Variants in ARHGAP28 observed in about 807,000 individuals in gnomAD.
ARHGAP28 encodes rho GTPase-activating protein 28.
ARHGAP28 carries 56 observed loss-of-function variants against 90.7 expected under a neutral mutation model. The ratio of observed to expected loss-of-function variants is 0.62; its 90% confidence interval spans 0.50 to 0.77. The LOEUF (loss-of-function observed/expected upper bound fraction) is 0.77, where lower values mean the gene tolerates loss of function less well. Among genes scored for constraint, ARHGAP28 ranks in the 30% least tolerant of loss-of-function variants. The pLI is 0.00. For synonymous variants in ARHGAP28, 308 were observed against 323.3 expected (o/e 0.95, Z 0.51); for missense variants, 869 against 900.9 (o/e 0.96, Z 0.45).
intron 2 of ARHGAP28, among the ~76,000 whole-genome samples, chr18:6,826,642 A>G (rs949789186): frequency 1.3e-5 from 2 of 150,898 alleles, no homozygotes; most frequent in African/African-American, 4.9e-5. Context: ...GTGCCACTCA[A>G]AGGAAGCCCT....
intron 1 of ARHGAP28, among the ~76,000 whole-genome samples, chr18:6,808,744 A>G (rs1179984539): frequency 1.3e-5 from 2 of 152,244 alleles, no homozygotes; most frequent in African/African-American, 4.8e-5. Context: ...GGTTTAAAGC[A>G]TAAGTCCACT....
rs889960540 is a variant in ARHGAP28, at chr18:6,782,110, G to T, written c.123-42652G>T. 6.1e-5 allele frequency among the ~76,000 whole-genome samples: 9 copies of T among 148,120 alleles called. No individual in the cohort carries two copies. In the East Asian group the frequency reaches 1.4e-3, roughly 23 times the overall value. Reference sequence around the variant, plus strand: ...TCTCACTTCCTGGAGATTCCAACTGGTTTTTTTTTTAGCTGCCTCCCCAGC... The same window carrying T: ...TCTCACTTCCTGGAGATTCCAACTGTTTTTTTTTTTAGCTGCCTCCCCAGC... On this transcript the variant is annotated intron_variant, in intron 1 of 17. Coordinates refer to ENST00000383472, the MANE Select transcript of ARHGAP28 (RefSeq NM_001366230.1).
In ARHGAP28 at chr18:6,912,174, C is replaced by T; in HGVS notation, c.*20C>T. ...TCTTAAAATATCCTCGAGAGAGCTGCTATCATGTATTATATGCCAAAAAGA... is the reference window on the plus strand; with the variant it reads ...TCTTAAAATATCCTCGAGAGAGCTGTTATCATGTATTATATGCCAAAAAGA... On this transcript the variant is annotated 3_prime_UTR_variant, in exon 18 of 18. Transcript: ENST00000383472. 2 of 1,446,138 alleles carry T rather than the reference C, an allele frequency of 1.4e-6. No individual in the cohort carries two copies. Among genetic ancestry groups the T allele is most frequent in the Non-Finnish European group, 9.6e-7 (1 of 1,037,938 alleles). The allele number at this position is 1,446,138 out of a possible 1,614,324, so 89.6% of individuals were successfully genotyped here. A position where few individuals can be genotyped will look rare whatever the true frequency, so the allele number is the denominator to read the frequency against.
chr18:6,876,982 A>G (rs1765419388), intron 10 of ARHGAP28, among the ~76,000 whole-genome samples: 2 of 152,110 alleles, frequency 1.3e-5, no homozygotes, highest in Admixed American at 6.6e-5. Flanking sequence ...TGGTTGGATC[A>G]CTCCCTGTCT....
At chr18:6,742,459 C>T (rs771058646) in intron 1 of ARHGAP28, among the ~76,000 whole-genome samples, 7 of 152,044 alleles carry the variant, frequency 4.6e-5, no homozygotes, top group South Asian at 2.1e-4. Context: ...CGTGAGCCAT[C>T]GTGCCCGGCC....
At chr18:6,787,595 C>T (rs1258416654) in intron 1 of ARHGAP28, among the ~76,000 whole-genome samples, 1 of 152,152 alleles carries the variant, frequency 6.6e-6, no homozygotes, top group Non-Finnish European at 1.5e-5. Context: ...TAGCATAATG[C>T]CTGTGGCACA....
chr18:6,738,838 G>A (rs969395937), intron 1 of ARHGAP28, among the ~76,000 whole-genome samples: 5 of 152,108 alleles, frequency 3.3e-5, no homozygotes, highest in East Asian at 1.9e-4. Context: ...AGGTTTCCTC[G>A]ACAACTGTAG....
chr18:6,911,339 A>G (rs2057398019), intron 17 of ARHGAP28, among the ~76,000 whole-genome samples: 1 of 152,198 alleles, frequency 6.6e-6, no homozygotes, highest in Non-Finnish European at 1.5e-5. Context: ...GCTCTGGTCA[A>G]GTACCTATCT....
chr18:6,892,399 G>T (rs556325757), intron 14 of ARHGAP28, among the ~76,000 whole-genome samples: 1 of 151,902 alleles, frequency 6.6e-6, no homozygotes, highest in East Asian at 2.0e-4. Context: ...TGATCCGCCC[G>T]CCTCTGCCTC....
chr18:6,869,526 G>T lies in ARHGAP28; in HGVS notation c.812-1064G>T, dbSNP rs952143151. Among the ~76,000 whole-genome samples the T allele has an allele frequency of 9.9e-5, 15 of 152,048 alleles. No homozygotes were observed. In the East Asian group the frequency reaches 2.7e-3, roughly 27 times the overall value. On this transcript the variant is annotated intron_variant, in intron 6 of 17. Coordinates refer to ENST00000383472, the MANE Select transcript of ARHGAP28 (RefSeq NM_001366230.1). ...TCTGCCCACCTCAGCCTCCCAAAGTGCTGGGATTATAGGCATGAGCCACTG... is the reference window on the plus strand; with the variant it reads ...TCTGCCCACCTCAGCCTCCCAAAGTTCTGGGATTATAGGCATGAGCCACTG...
At position 6,827,641 on chromosome 18, in the gene ARHGAP28, A is replaced by AC. The variant is rs369251993; in HGVS notation, c.325+2687dup. Reference sequence around the variant, plus strand: ...GGGCGGCTGGCCGGCAGGGGGGCTGACCCCCCCCCCACCTCCCTCCTGGAT... The same window carrying AC: ...GGGCGGCTGGCCGGCAGGGGGGCTGACCCCCCCCCCCACCTCCCTCCTGGAT... On this transcript the variant is annotated intron_variant, in intron 2 of 17. Coordinates refer to ENST00000383472, the MANE Select transcript of ARHGAP28 (RefSeq NM_001366230.1). 1.1e-3 allele frequency among the ~76,000 whole-genome samples: 148 copies of AC among 130,590 alleles called. 1 individual carries two copies. Among genetic ancestry groups the AC allele is most frequent in the East Asian group, 4.2e-3 (17 of 4,056 alleles). 85.7% of individuals were successfully genotyped at this position (130,590 alleles called of 152,430 possible). A position where few individuals can be genotyped will look rare whatever the true frequency, so the allele number is the denominator to read the frequency against.
intron 2 of ARHGAP28, among the ~76,000 whole-genome samples, chr18:6,829,241 A>G (rs1347382056): frequency 1.3e-5 from 2 of 152,120 alleles, no homozygotes; most frequent in South Asian, 2.1e-4. Context: ...CTTACTATCT[A>G]TCTATCCAGC....
chr18:6,797,685 G>C (rs1035253191), intron 1 of ARHGAP28, among the ~76,000 whole-genome samples: 1 of 148,558 alleles, frequency 6.7e-6, no homozygotes, highest in African/African-American at 2.5e-5. Flanking sequence ...TTTTTAAGTC[G>C]CAGTCTCACT....
intron 4 of ARHGAP28, among the ~76,000 whole-genome samples, chr18:6,852,050 A>G (rs1212122890): frequency 6.6e-6 from 1 of 152,214 alleles, no homozygotes; most frequent in Non-Finnish European, 1.5e-5. Context: ...ATGTACAGTT[A>G]ATTGCATATA....
intron 1 of ARHGAP28, among the ~76,000 whole-genome samples, chr18:6,801,599 G>A (rs1271619655): frequency 6.6e-6 from 1 of 152,016 alleles, no homozygotes; most frequent in Non-Finnish European, 1.5e-5. Flanking sequence ...AACTTGGGGA[G>A]AATTGACATC....
At chr18:6,736,260 G>C (rs1388140922) in intron 1 of ARHGAP28, among the ~76,000 whole-genome samples, 1 of 150,454 alleles carries the variant, frequency 6.6e-6, no homozygotes, top group Non-Finnish European at 1.5e-5. Flanking sequence ...CTTTTAAAAG[G>C]TCAGCCAAAT....
At chr18:6,836,999 T>A (rs1333875854) in intron 2 of ARHGAP28, among the ~76,000 whole-genome samples, 198 bp from the exon 3 acceptor site, 1 of 152,192 alleles carries the variant, frequency 6.6e-6, no homozygotes, top group African/African-American at 2.4e-5. Flanking sequence ...ATTACCTTAC[T>A]CTATTAGAAA....
At chr18:6,890,167 C>T in intron 13 of ARHGAP28, 82 bp downstream of exon 13, 1 of 1,492,024 alleles carries the variant, frequency 6.7e-7, no homozygotes, top group South Asian at 1.2e-5. Context: ...GGGCAACTCC[C>T]TTGGTCATAG....
At chr18:6,874,112 G>A (rs576428479) in intron 9 of ARHGAP28, among the ~76,000 whole-genome samples, 1 of 152,172 alleles carries the variant, frequency 6.6e-6, no homozygotes, top group Non-Finnish European at 1.5e-5. Flanking sequence ...ATGTGTTTGT[G>A]TGTGCATTTG....
Sources: gnomAD v4.1 joint callset for allele counts (sites outside exome capture counted in the v4.1 genomes callset) on GRCh38, gnomAD v4.1.1 for gene constraint, MANE v1.5 for transcripts, NCBI Gene and HGNC (gene_info 2026-07-23, HGNC 2026-07-21) for gene names.